The following DNAH3 variants were observed in gnomAD, a reference collection of about 807,000 sequenced individuals.
DNAH3 encodes axonemal beta dynein heavy chain 3.
Under a neutral mutation model 432.5 loss-of-function variants are expected in DNAH3, and 332 were observed. The observed-to-expected ratio is 0.77, with a 90% CI of 0.70 to 0.84. DNAH3 has a LOEUF of 0.84. Among genes scored for constraint, DNAH3 ranks in the 40% least tolerant of loss-of-function variants. The probability of loss-of-function intolerance (pLI) is 0.00; values close to 1 mark genes in which losing one functional copy is unlikely to be tolerated. For synonymous variants in DNAH3, 1,956 were observed against 1,900.2 expected (o/e 1.03, Z -0.76); for missense variants, 4,861 against 5,114.0 (o/e 0.95, Z 1.51).
intron 54 of DNAH3, among the ~76,000 whole-genome samples, chr16:20,956,351 C>T (rs941907572): frequency 3.3e-5 from 5 of 152,144 alleles, no homozygotes; most frequent in South Asian, 4.1e-4. Flanking sequence ...AAACAGTGAC[C>T]GCTCTCCTTG....
At chr16:20,936,567 T>G in intron 60 of DNAH3, 82 bp downstream of exon 60, 1 of 1,282,672 alleles carries the variant, frequency 7.8e-7, no homozygotes, top group Non-Finnish European at 1.1e-6. Context: ...CTCCTCCCCC[T>G]GCCTCTAGTC....
At chr16:21,006,219 C>T (rs2087296746) in intron 41 of DNAH3, among the ~76,000 whole-genome samples, 1 of 152,176 alleles carries the variant, frequency 6.6e-6, no homozygotes, top group South Asian at 2.1e-4. Context: ...TTATTTCTCG[C>T]TGGTTCTAAT....
chr16:20,966,597 T>C (rs2085075086), intron 52 of DNAH3, among the ~76,000 whole-genome samples: 1 of 152,218 alleles, frequency 6.6e-6, no homozygotes, highest in South Asian at 2.1e-4. Flanking sequence ...GGTAAACTTC[T>C]TCTGTTTTCT....
intron 16 of DNAH3, among the ~76,000 whole-genome samples, chr16:21,101,048 C>T (rs1230780086): frequency 6.6e-6 from 1 of 152,158 alleles, no homozygotes; most frequent in Non-Finnish European, 1.5e-5. Context: ...GGGGTTACAT[C>T]CCTATAAACC....
At chr16:20,942,663 C>T (rs140874854) in intron 58 of DNAH3, among the ~76,000 whole-genome samples, 5 of 152,244 alleles carry the variant, frequency 3.3e-5, no homozygotes, top group South Asian at 2.1e-4. Context: ...AGTCAGGAGA[C>T]GGTGGCTCTG....
At chr16:20,941,466 C>T (rs149165469) in exon 59 of DNAH3, 64 of 1,614,046 alleles carry the variant, frequency 4.0e-5, no homozygotes, top group Non-Finnish European at 5.2e-5. Context: ...CCACGGGGTA[C>T]AACTTCATGA....
In DNAH3 at chr16:20,963,936, C is replaced by T. The variant is rs528094982; in HGVS notation, c.9948G>A (p.Pro3316=). The T allele has an allele frequency of 1.2e-5, 19 of 1,614,076 alleles. No individual in the cohort carries two copies. The South Asian group carries it at 1.2e-4, about 10-fold the overall frequency. ...ACCAAGTCAGGGAGTACTGGTACATCGGCTCGATGTTGGCCAGGTCCGAGA... is the reference window on the plus strand; with the variant it reads ...ACCAAGTCAGGGAGTACTGGTACATTGGCTCGATGTTGGCCAGGTCCGAGA... Residue 3316 remains proline (P), a synonymous_variant, in exon 53 of 62, where the codon CCG becomes CCA. Transcript: ENST00000261383.
intron 51 of DNAH3, among the ~76,000 whole-genome samples, chr16:20,971,437 C>T (rs1332263376): frequency 6.6e-6 from 1 of 152,074 alleles, no homozygotes; most frequent in Non-Finnish European, 1.5e-5. Flanking sequence ...GGCCACAGCC[C>T]TGAAAGGTCC....
At chr16:21,138,747 T>C (rs1023677051) in intron 5 of DNAH3, among the ~76,000 whole-genome samples, 1 of 151,916 alleles carries the variant, frequency 6.6e-6, no homozygotes, top group Non-Finnish European at 1.5e-5. Flanking sequence ...GAGGCAGAGG[T>C]TGCAGTGAGC....
chr16:21,114,870 A>G (rs922528580), intron 12 of DNAH3, among the ~76,000 whole-genome samples: 2 of 152,200 alleles, frequency 1.3e-5, no homozygotes, highest in Non-Finnish European at 2.9e-5. Flanking sequence ...ATACCATTTA[A>G]CCCAGTTGAT....
exon 4 of DNAH3, chr16:21,141,359 T>C (rs1392552652): frequency 6.3e-7 from 1 of 1,588,814 alleles, no homozygotes; most frequent in Non-Finnish European, 8.6e-7. Flanking sequence ...TGGGCTCTGA[T>C]GAGCTTCTAT....
rs368899150 is a variant in DNAH3, at chr16:21,035,336, G to A, written c.5086-1251C>T. Among the ~76,000 whole-genome samples, 216 of 152,136 alleles carry A rather than the reference G, an allele frequency of 1.4e-3. 8 individuals carry two copies. The South Asian group carries it at 0.044, about 31-fold the overall frequency. On this transcript the variant is annotated intron_variant, in intron 35 of 61. Transcript: ENST00000261383. ...AGGGAGACTGTTTAAAATAAAAAAC[G>A]AATAAGAGAGGAAAACATTAAAGAT...
intron 4 of DNAH3, 151 bp from the exon 6 acceptor site, chr16:21,140,861 G>T: frequency 1.5e-6 from 1 of 657,002 alleles, no homozygotes; most frequent in Non-Finnish European, 2.6e-6. Flanking sequence ...ATACTTCCAA[G>T]ATGACCCTAA....
intron 20 of DNAH3, among the ~76,000 whole-genome samples, chr16:21,076,528 C>A (rs1353251226): frequency 1.3e-5 from 2 of 152,086 alleles, no homozygotes; most frequent in Non-Finnish European, 2.9e-5. Context: ...CCAGACCAAA[C>A]CAAAATGGAG....
Position 20,985,076 on chromosome 16 carries a change from C to A in DNAH3, c.7665+1G>T, listed in dbSNP as rs764966641. On this transcript the variant is annotated splice_donor_variant, in intron 48 of 61. Transcript: ENST00000261383. LOFTEE classifies it high-confidence loss of function. ...AGGACAATGTGAAGGTTCTTTCTCACCCTCTCAATAAAGAAGTTATACATA... is the reference window on the plus strand; with the variant it reads ...AGGACAATGTGAAGGTTCTTTCTCAACCTCTCAATAAAGAAGTTATACATA... 34 of 1,609,198 alleles carry A rather than the reference C, an allele frequency of 2.1e-5. No individual in the cohort carries two copies. Among genetic ancestry groups the A allele is most frequent in the Non-Finnish European group, 2.8e-5 (33 of 1,176,960 alleles).
intron 52 of DNAH3, among the ~76,000 whole-genome samples, chr16:20,966,937 C>CT (rs1364147899): frequency 6.6e-6 from 1 of 152,184 alleles, no homozygotes. Flanking sequence ...ATCATGCTGA[C>CT]TAACAAGTAA....
chr16:21,007,727 TTTTTC>T (rs1366011228), intron 41 of DNAH3, among the ~76,000 whole-genome samples: 2 of 152,218 alleles, frequency 1.3e-5, no homozygotes, highest in African/African-American at 4.8e-5. Context: ...GTTTACCTAT[TTTTTC>T]TTTTGTCACT....
At chr16:21,159,431 G>A (rs377482506) in exon 1 of DNAH3, 12 of 1,613,868 alleles carry the variant, frequency 7.4e-6, no homozygotes, top group East Asian at 2.2e-5. Context: ...GAGGCGCCCT[G>A]TAGCTCCCAT....
chr16:21,067,873 T>C (rs1597296331), intron 23 of DNAH3, among the ~76,000 whole-genome samples: 1 of 151,156 alleles, frequency 6.6e-6, no homozygotes, highest in East Asian at 1.9e-4. Flanking sequence ...GAGAAGAGGC[T>C]TCTGGGTTCT....
Sources: allele counts gnomAD v4.1 joint callset (sites outside exome capture counted in the v4.1 genomes callset), GRCh38; gene constraint gnomAD v4.1.1; transcripts MANE v1.5; gene names NCBI Gene and HGNC (gene_info 2026-07-23, HGNC 2026-07-21).